The following SOX6 variants were observed in gnomAD, a reference collection of about 807,000 sequenced individuals.
SOX6 encodes transcription factor SOX-6.
SOX6 carries 11 observed loss-of-function variants against 97.8 expected under a neutral mutation model. The observed-to-expected ratio is 0.11, with a 90% CI of 0.07 to 0.19. The LOEUF (loss-of-function observed/expected upper bound fraction) is 0.19. Ranked by LOEUF, SOX6 falls within the 10% of genes least tolerant of loss-of-function variation. The pLI is 1.00. For synonymous variants in SOX6, 360 were observed against 371.4 expected (o/e 0.97, Z 0.35); for missense variants, 810 against 1,039.5 (o/e 0.78, Z 3.04).
chr11:16,138,588 T>C (rs967348666), intron 6 of SOX6, among the ~76,000 whole-genome samples: 1 of 152,066 alleles, frequency 6.6e-6, no homozygotes, highest in African/African-American at 2.4e-5. Context: ...TTAGGGTACA[T>C]GTGCACAATG....
At chr11:16,172,868 A>G (rs966146300) in intron 6 of SOX6, among the ~76,000 whole-genome samples, 2 of 151,976 alleles carry the variant, frequency 1.3e-5, no homozygotes, top group Non-Finnish European at 2.9e-5. Context: ...CTGTCAACTA[A>G]TCTAATCATC....
At chr11:16,729,786 T>A (rs569265358) in intron 2 of SOX6, among the ~76,000 whole-genome samples, 1 of 152,110 alleles carries the variant, frequency 6.6e-6, no homozygotes, top group African/African-American at 2.4e-5. Context: ...ACTGGCAAAT[T>A]GGATAAAGAG....
intron 4 of SOX6, among the ~76,000 whole-genome samples, chr11:16,189,353 G>T (rs1459569467): frequency 6.6e-6 from 1 of 152,056 alleles, no homozygotes; most frequent in Non-Finnish European, 1.5e-5. Context: ...GCAAGAGGGT[G>T]GTTGGTGGTC....
At position 16,416,001 on chromosome 11, in the gene SOX6, T is replaced by C. The variant is rs115661181; in HGVS notation, c.-5+60314A>G. ...TTCACAAGGGATTGGTCCCAATATG[T>C]AGCTCTTTAAAGAGTATACACTTAC... is the stretch of plus-strand genomic sequence containing the variant. On this transcript the variant is annotated intron_variant, in intron 1 of 15. Coordinates refer to the SOX6 transcript ENST00000396356. Among the ~76,000 whole-genome samples, 1,111 of 152,304 alleles carry C rather than the reference T, an allele frequency of 7.3e-3. 15 individuals are homozygous for C. The highest frequency in any genetic ancestry group is 0.024 in the African/African-American group (994 of 41,548).
chr11:16,424,249 T>G (rs1245204271), intron 1 of SOX6, among the ~76,000 whole-genome samples: 1 of 152,216 alleles, frequency 6.6e-6, no homozygotes, highest in Non-Finnish European at 1.5e-5. Context: ...GGAAAACTAT[T>G]TTAAGAAGAA....
At chr11:16,345,456 T>C (rs1404953488) in intron 1 of SOX6, among the ~76,000 whole-genome samples, 4 of 151,990 alleles carry the variant, frequency 2.6e-5, no homozygotes, top group Admixed American at 2.0e-4. Context: ...GGAAATGAGA[T>C]TGCTGGAGAT....
At chr11:16,445,029 A>G (rs1421501937) in intron 1 of SOX6, among the ~76,000 whole-genome samples, 1 of 152,208 alleles carries the variant, frequency 6.6e-6, no homozygotes, top group African/African-American at 2.4e-5. Flanking sequence ...CCATCATAAA[A>G]ATTAATTTGT....
intron 1 of SOX6, among the ~76,000 whole-genome samples, chr11:16,468,389 G>A (rs1225985937): frequency 5.3e-5 from 8 of 152,300 alleles, no homozygotes; most frequent in African/African-American, 1.7e-4. Flanking sequence ...TTGCTATAAT[G>A]TGTAAGTTGT....
intron 1 of SOX6, among the ~76,000 whole-genome samples, chr11:16,737,756 C>A (rs1177031908): frequency 6.6e-6 from 1 of 152,050 alleles, no homozygotes; most frequent in Non-Finnish European, 1.5e-5. Flanking sequence ...TGCTAACGGG[C>A]ATTGGGGTTC....
At chr11:16,728,402 G>C (rs1848323694) in intron 2 of SOX6, among the ~76,000 whole-genome samples, 1 of 152,210 alleles carries the variant, frequency 6.6e-6, no homozygotes, top group South Asian at 2.1e-4. Context: ...AGTCTTTGCT[G>C]TTCTGCATTC....
intron 4 of SOX6, among the ~76,000 whole-genome samples, chr11:16,534,726 AC>A (rs1027860323): frequency 1.3e-5 from 2 of 151,970 alleles, no homozygotes; most frequent in African/African-American, 4.8e-5. Flanking sequence ...TGACCCTCAC[AC>A]CCCAAACACC....
At chr11:16,413,441 C>T (rs1345955292) in intron 1 of SOX6, among the ~76,000 whole-genome samples, 1 of 149,154 alleles carries the variant, frequency 6.7e-6, no homozygotes, top group Admixed American at 6.7e-5. Flanking sequence ...CCACTATAAA[C>T]ATGAATGAGG....
chr11:16,261,109 C>G (rs1417067685), intron 3 of SOX6, among the ~76,000 whole-genome samples: 1 of 152,116 alleles, frequency 6.6e-6, no homozygotes, highest in Non-Finnish European at 1.5e-5. Context: ...TTACCTAAAT[C>G]ATGACTTTTG....
intron 3 of SOX6, among the ~76,000 whole-genome samples, chr11:16,256,424 T>C (rs551880584): frequency 6.6e-6 from 1 of 152,042 alleles, no homozygotes; most frequent in East Asian, 1.9e-4. Flanking sequence ...ATGGAATACA[T>C]CACACATCAA....
chr11:16,120,561 C>CATATATATAT (rs71455877), intron 6 of SOX6, among the ~76,000 whole-genome samples: 81 of 145,098 alleles, frequency 5.6e-4, no homozygotes, highest in African/African-American at 1.9e-3. Flanking sequence ...GCTAACTTCA[C>CATATATATAT]ATATATATAT....
chr11:16,138,539 T>A (rs1438269414), intron 6 of SOX6, among the ~76,000 whole-genome samples: 1 of 151,948 alleles, frequency 6.6e-6, no homozygotes, highest in African/African-American at 2.4e-5. Flanking sequence ...GTTTTTATTT[T>A]TTTATTTTTT....
intron 1 of SOX6, among the ~76,000 whole-genome samples, chr11:16,343,073 C>T (rs1168159693): frequency 6.6e-6 from 1 of 151,566 alleles, no homozygotes; most frequent in African/African-American, 2.4e-5. Flanking sequence ...AACATATACA[C>T]AATTATGAAA....
intron 11 of SOX6, among the ~76,000 whole-genome samples, chr11:16,047,030 C>T (rs964068660): frequency 6.6e-6 from 1 of 152,050 alleles, no homozygotes; most frequent in Non-Finnish European, 1.5e-5. Context: ...AACTGGTGCA[C>T]AATGTTGCCT....
intron 1 of SOX6, among the ~76,000 whole-genome samples, chr11:16,437,238 C>T (rs752822662): frequency 1.9e-4 from 28 of 151,222 alleles, no homozygotes; most frequent in Admixed American, 1.4e-3. Flanking sequence ...CACTGCACTC[C>T]GGCCTGGGGG....
Sources: gnomAD v4.1 joint callset for allele counts (sites outside exome capture counted in the v4.1 genomes callset) on GRCh38, gnomAD v4.1.1 for gene constraint, MANE v1.5 for transcripts, NCBI Gene and HGNC (gene_info 2026-07-23, HGNC 2026-07-21) for gene names.